OAF: variants seen among roughly 807,000 people sequenced by gnomAD.
OAF encodes the protein out at first protein homolog.
Under a neutral mutation model 22.5 loss-of-function variants are expected in OAF, and 13 were observed. The observed-to-expected ratio is 0.58, with a 90% CI of 0.38 to 0.92. OAF has a LOEUF of 0.92. Among genes scored for constraint, OAF ranks in the 40% least tolerant of loss-of-function variants. The pLI, the probability that OAF is intolerant of heterozygous loss-of-function variation, is 0.00. For synonymous variants in OAF, 175 were observed against 170.5 expected, an observed-to-expected ratio of 1.03 and a Z score of -0.21; for missense variants, 347 against 381.8, an observed-to-expected ratio of 0.91 and a Z score of 0.76.
intron 3 of OAF, among the ~76,000 whole-genome samples, chr11:120,227,335 A>T (rs1295019): frequency 6.6e-6 from 1 of 151,930 alleles, no homozygotes; most frequent in Non-Finnish European, 1.5e-5. Context: ...GAGGAAATGG[A>T]GCCTGTGTGA....
At position 120,228,981 on chromosome 11, in the gene OAF, AGCCTG is replaced by A. The variant is rs766698971; in HGVS notation, c.668_672del (p.Ala223ValfsTer44). On this transcript the variant is annotated frameshift_variant, in exon 4 of 4. Coordinates refer to ENST00000328965, the MANE Select transcript of OAF (RefSeq NM_178507.4). LOFTEE classifies it high-confidence loss of function. The stretch of plus-strand genomic sequence containing the variant: ...GCCCTGCGTCTGCCGCTATGGCCTG[AGCCTG>A]GCCTGGTACCCCTGCATGCTCAAGT... The A allele has an allele frequency of 3.1e-6, 5 of 1,613,280 alleles. No homozygotes were observed. The highest frequency in any genetic ancestry group is 2.5e-6 in the Non-Finnish European group (3 of 1,179,972).
In OAF at chr11:120,220,228, A is replaced by G. The variant is rs1033519529; in HGVS notation, c.232-5433A>G. Among the ~76,000 whole-genome samples, 9 of 152,058 alleles carry G rather than the reference A, an allele frequency of 5.9e-5. No individual in the cohort carries two copies. The East Asian group carries it at 1.5e-3, about 26-fold the overall frequency. ...ATGTCACCCCAGGCTCAAACCCACC[A>G]GTGACTTCCAGAGAGGCACAAGAGG... On this transcript the variant is annotated intron_variant, in intron 1 of 3. Transcript: ENST00000328965.
In OAF at chr11:120,229,369, A is replaced by ACT; in HGVS notation, c.*227_*228insCT. 3.2e-6 allele frequency: 1 copy of ACT among 308,030 alleles called. No individual in the cohort carries two copies. Among genetic ancestry groups the ACT allele is most frequent in the Non-Finnish European group, 5.5e-6 (1 of 180,854 alleles). The allele number at this position is 308,030 out of a possible 1,614,324, so 19.1% of individuals were successfully genotyped here. ...CCCACCCTGTGCCTTCCTTGCGGGCAGAGAGGGAGAGAAGGGCTCCCCAGA... is the reference window on the plus strand; with the variant it reads ...CCCACCCTGTGCCTTCCTTGCGGGCACTGAGAGGGAGAGAAGGGCTCCCCAGA... On this transcript the variant is annotated 3_prime_UTR_variant, in exon 4 of 4. Coordinates refer to ENST00000328965, the MANE Select transcript of OAF (RefSeq NM_178507.4).
rs1762918413 is a variant in OAF, at chr11:120,229,206, G to A, written c.*64G>A. ...TGCTCTTCACCAGCCACTAGAGGGG[G>A]TGGCAACCCCCACCTGAGGCCTTAT... On this transcript the variant is annotated 3_prime_UTR_variant, in exon 4 of 4. Transcript: ENST00000328965. 4 of 1,491,162 alleles carry A rather than the reference G, an allele frequency of 2.7e-6. No individual in the cohort carries two copies. The highest frequency in any genetic ancestry group is 3.5e-5 in the Admixed American group (2 of 57,614). 92.4% of individuals were successfully genotyped at this position (1,491,162 alleles called of 1,614,324 possible).
Position 120,225,769 on chromosome 11 carries a change from A to G in OAF, c.340A>G (p.Ser114Gly). 1 of 1,603,674 alleles carries G rather than the reference A, an allele frequency of 6.2e-7. No homozygotes were observed. The highest frequency in any genetic ancestry group is 1.1e-5 in the South Asian group (1 of 89,980). Residue 114 changes from serine to glycine, a missense_variant, in exon 2 of 4, where the codon AGT becomes GGT. Coordinates refer to ENST00000328965, the MANE Select transcript of OAF (RefSeq NM_178507.4). ...TQLQHNEIIP[S>G]EAMAKLRQKN... ...GCTGCAGCACAATGAGATCATCCCC[A>G]GTGAGGCCATGGCCAAGCTCCGGCA...
chr11:120,222,802 C>T (rs778898873), intron 1 of OAF, among the ~76,000 whole-genome samples: 13 of 152,182 alleles, frequency 8.5e-5, no homozygotes, highest in Non-Finnish European at 1.8e-4. Context: ...GTCCCAGCTA[C>T]TCAGGAGGCT....
At chr11:120,228,266 G>A (rs1174166286) in intron 3 of OAF, among the ~76,000 whole-genome samples, 1 of 152,082 alleles carries the variant, frequency 6.6e-6, no homozygotes, top group Non-Finnish European at 1.5e-5. Context: ...TGTGCTTTTA[G>A]TAGAAACAAG....
intron 3 of OAF, 43 bp from the exon 4 acceptor site, chr11:120,228,825 T>TACCCACC: frequency 2.1e-5 from 9 of 434,168 alleles, no homozygotes; most frequent in Non-Finnish European, 3.7e-5. Flanking sequence ...GCTCCTTCCC[T>TACCCACC]CCCTCCCTCC....
rs1938139163 is a variant in OAF at position 120,211,263 on chromosome 11, G to A, written c.-17G>A. On this transcript the variant is annotated 5_prime_UTR_variant, in exon 1 of 4. Transcript: ENST00000328965. ...CACGCGGCGCGCCGGGGCCGCGGAC[G>A]GCAGCGGCCCCCGGGGATGCGCCTT... The A allele has an allele frequency of 6.7e-6, 8 of 1,195,820 alleles. No individual in the cohort carries two copies. The highest frequency in any genetic ancestry group is 3.3e-4 in the Middle Eastern group (1 of 3,004). 74.1% of individuals were successfully genotyped at this position (1,195,820 alleles called of 1,614,324 possible). A position where few individuals can be genotyped will look rare whatever the true frequency, so the allele number is the denominator to read the frequency against.
At chr11:120,224,942 A>G (rs929800706) in intron 1 of OAF, among the ~76,000 whole-genome samples, 1 of 152,130 alleles carries the variant, frequency 6.6e-6, no homozygotes, top group Non-Finnish European at 1.5e-5. Context: ...TACTCCCTCC[A>G]TCCTGCTGCA....
At chr11:120,219,894 C>A (rs1479969764) in intron 1 of OAF, among the ~76,000 whole-genome samples, 1 of 152,186 alleles carries the variant, frequency 6.6e-6, no homozygotes, top group African/African-American at 2.4e-5. Context: ...CAGCTGCAGG[C>A]AAGGCCGAGA....
rs770327646 is a variant in OAF at position 120,225,762 on chromosome 11, C to T, written c.333C>T (p.Ile111=). 6.2e-7 allele frequency: 1 copy of T among 1,606,178 alleles called. No individual in the cohort carries two copies. The highest frequency in any genetic ancestry group is 8.5e-7 in the Non-Finnish European group (1 of 1,176,382). ...CFVTQLQHNE[I]IPSEAMAKLR... is the part of the protein sequence containing the mutation. ...TCACCCAGCTGCAGCACAATGAGAT[C>T]ATCCCCAGTGAGGCCATGGCCAAGC... The change falls in exon 2 of 4, where the codon ATC becomes ATT. Residue 111 remains isoleucine (I), a synonymous_variant. Transcript: ENST00000328965.
chr11:120,212,899 A>G (rs1307439321), intron 1 of OAF, among the ~76,000 whole-genome samples: 2 of 149,416 alleles, frequency 1.3e-5, no homozygotes, highest in Admixed American at 1.3e-4. Flanking sequence ...GGCCTAAGCT[A>G]GGCACCCTGC....
At chr11:120,218,355 G>A (rs1006509601) in intron 1 of OAF, among the ~76,000 whole-genome samples, 2 of 152,186 alleles carry the variant, frequency 1.3e-5, no homozygotes, top group Non-Finnish European at 2.9e-5. Context: ...CATCCACCCC[G>A]TTCCTGCTCG....
chr11:120,228,821 T>TGCCAACCCACA, intron 3 of OAF, 47 bp from the exon 4 acceptor site: 2 of 520,280 alleles, frequency 3.8e-6, no homozygotes, highest in African/African-American at 2.0e-5. Context: ...GGGAGCTCCT[T>TGCCAACCCACA]CCCTCCCTCC....
At chr11:120,225,150 TC>T (rs1434094381) in intron 1 of OAF, among the ~76,000 whole-genome samples, 3 of 151,772 alleles carry the variant, frequency 2.0e-5, no homozygotes. Flanking sequence ...GCCCCACCAC[TC>T]CACTCACTCA....
At chr11:120,220,288 C>T (rs555792270) in intron 1 of OAF, among the ~76,000 whole-genome samples, 15 of 152,148 alleles carry the variant, frequency 9.9e-5, no homozygotes, top group Non-Finnish European at 2.2e-4. Flanking sequence ...TCAGACCCTG[C>T]GTCCTGCTTG....
In OAF at chr11:120,211,240, C is replaced by T. The variant is rs944361648; in HGVS notation, c.-40C>T. ...TTGCCTGCGCCTCTCCCCGCCCCCA[C>T]GCGGCGCGCCGGGGCCGCGGACGGC... On this transcript the variant is annotated 5_prime_UTR_variant, in exon 1 of 4. The change creates a new upstream start codon in the 5' untranslated region. Transcript: ENST00000328965. 10 of 1,164,898 alleles carry T rather than the reference C, an allele frequency of 8.6e-6. No individual in the cohort carries two copies. The African/African-American group carries it at 1.5e-4, about 17-fold the overall frequency. 72.2% of individuals were successfully genotyped at this position (1,164,898 alleles called of 1,614,324 possible).
Position 120,211,461 on chromosome 11 carries a change from T to G in OAF, c.182T>G (p.Leu61Arg). The G allele has an allele frequency of 6.6e-7, 1 of 1,525,312 alleles. No homozygotes were observed. Among genetic ancestry groups the G allele is most frequent in the South Asian group, 1.2e-5 (1 of 81,324 alleles). The allele number at this position is 1,525,312 out of a possible 1,614,324, so 94.5% of individuals were successfully genotyped here. A position where few individuals can be genotyped will look rare whatever the true frequency, so the allele number is the denominator to read the frequency against. The change falls in exon 1 of 4, where the codon CTG (leucine) becomes CGG (arginine). Residue 61 changes from leucine to arginine, a missense_variant. Physicochemically the swap from Leu to Arg is moderately radical, Grantham distance 102. Coordinates refer to ENST00000328965, the MANE Select transcript of OAF (RefSeq NM_178507.4). Reference sequence around the variant, plus strand: ...GACGCGGACAGCATCAGCCTCGAGCTGCGCAAGCCCGACGGCACCCTCGTC... The same window carrying G: ...GACGCGGACAGCATCAGCCTCGAGCGGCGCAAGCCCGACGGCACCCTCGTC... ...DSDADSISLE[L>R]RKPDGTLVSF... is the part of the protein sequence containing the mutation.
Sources: gnomAD v4.1 joint callset for allele counts (sites outside exome capture counted in the v4.1 genomes callset) on GRCh38, gnomAD v4.1.1 for gene constraint, MANE v1.5 for transcripts, NCBI Gene and HGNC (gene_info 2026-07-23, HGNC 2026-07-21) for gene names.